MS4A14: variants seen among roughly 807,000 people sequenced by gnomAD.
The protein encoded by MS4A14 is membrane spanning 4-domains A14.
In MS4A14, 18 loss-of-function variants were observed where a neutral mutation model predicts 16.7. The observed-to-expected ratio is 1.08, with a 90% CI of 0.75 to 1.60. MS4A14 has a LOEUF of 1.60. Ranked by LOEUF, MS4A14 falls within the 40% of genes most tolerant of loss-of-function variation. MS4A14 has a pLI of 0.00. For synonymous variants in MS4A14, 305 were observed against 289.4 expected (o/e 1.05, Z -0.55); for missense variants, 812 against 775.3 (o/e 1.05, Z -0.56).
intron 3 of MS4A14, 52 bp downstream of exon 3, chr11:60,400,506 A>G: frequency 7.8e-7 from 1 of 1,274,730 alleles, no homozygotes; most frequent in East Asian, 2.4e-5. Context: ...GTTTTATATC[A>G]TCTTTATGTA....
At chr11:60,400,077 C>A (rs2085688192) in intron 2 of MS4A14, among the ~76,000 whole-genome samples, 1 of 152,180 alleles carries the variant, frequency 6.6e-6, no homozygotes, top group African/African-American at 2.4e-5. Flanking sequence ...ACAGGCACAG[C>A]TCCTCCTCTT....
rs917287896 is a variant in MS4A14 at position 60,417,140 on chromosome 11, C to G, written c.*132C>G. The G allele has an allele frequency of 1.8e-6, 2 of 1,088,216 alleles. No homozygotes were observed. The highest frequency in any genetic ancestry group is 5.2e-5 in the East Asian group (2 of 38,282). The allele number at this position is 1,088,216 out of a possible 1,614,324, so 67.4% of individuals were successfully genotyped here. A position where few individuals can be genotyped will look rare whatever the true frequency, so the allele number is the denominator to read the frequency against. On this transcript the variant is annotated 3_prime_UTR_variant, in exon 5 of 5. Coordinates refer to ENST00000300187, the MANE Select transcript of MS4A14 (RefSeq NM_032597.5). The stretch of plus-strand genomic sequence containing the variant: ...TCTATACCAAGAAGTCCAAACCCAG[C>G]ACGCAACAGCCCAACATAACCTAGA...
intron 1 of MS4A14, among the ~76,000 whole-genome samples, chr11:60,397,220 G>C (rs534837297): frequency 6.6e-6 from 1 of 152,264 alleles, no homozygotes; most frequent in African/African-American, 2.4e-5. Flanking sequence ...TGCCAGAGAA[G>C]TTGCGCCCTG....
At chr11:60,400,148 G>A (rs867961642) in intron 2 of MS4A14, among the ~76,000 whole-genome samples, 4 of 152,100 alleles carry the variant, frequency 2.6e-5, no homozygotes, top group Admixed American at 1.3e-4. Context: ...CAAACATCTG[G>A]TCCTCTGGAT....
intron 4 of MS4A14, chr11:60,405,776 C>T: frequency 2.7e-6 from 2 of 738,140 alleles, no homozygotes. Context: ...ACAGAACCAT[C>T]CAAAATATGG....
At chr11:60,402,171 AC>A (rs2085723924) in intron 3 of MS4A14, among the ~76,000 whole-genome samples, 1 of 139,490 alleles carries the variant, frequency 7.2e-6, no homozygotes, top group Non-Finnish European at 1.6e-5. Context: ...ACCCACCCAC[AC>A]CCCCCTCCAA....
At chr11:60,415,341 A>G in intron 4 of MS4A14, 96 bp from the exon 5 acceptor site, 2 of 1,320,722 alleles carry the variant, frequency 1.5e-6, no homozygotes, top group Non-Finnish European at 2.1e-6. Context: ...TTTCCTATCT[A>G]CTGTCTTAAG....
chr11:60,404,812 C>T, intron 4 of MS4A14: 1 of 271,964 alleles, frequency 3.7e-6, no homozygotes, highest in Non-Finnish European at 7.4e-6. Flanking sequence ...TCCTTCTTCA[C>T]AGCATTTATC....
intron 3 of MS4A14, among the ~76,000 whole-genome samples, chr11:60,401,765 C>A (rs1243860407): frequency 6.6e-6 from 1 of 152,132 alleles, no homozygotes; most frequent in African/African-American, 2.4e-5. Flanking sequence ...ATAAAATGTC[C>A]TATGGGAGCC....
At position 60,417,698 on chromosome 11, in the gene MS4A14, T is replaced by C. The variant is rs1423388134; in HGVS notation, c.*690T>C. The C allele has an allele frequency of 2.0e-5, 3 of 151,604 alleles. No individual in the cohort carries two copies. The highest frequency in any genetic ancestry group is 2.9e-5 in the Non-Finnish European group (2 of 68,030). The allele number at this position is 151,604 out of a possible 1,614,324, so 9.4% of individuals were successfully genotyped here. The stretch of plus-strand genomic sequence containing the variant: ...ATGACAACAAACCAAATGTTAACAC[T>C]GTATCATCACTTTATGTATGTGAAG... On this transcript the variant is annotated 3_prime_UTR_variant, in exon 5 of 5. Transcript: ENST00000300187.
At chr11:60,410,590 G>A (rs532557322) in intron 4 of MS4A14, among the ~76,000 whole-genome samples, 16 of 152,166 alleles carry the variant, frequency 1.1e-4, no homozygotes, top group South Asian at 8.3e-4. Flanking sequence ...GCTTAGTGTC[G>A]GATTGATTTT....
chr11:60,397,737 G>A (rs1338647107), intron 1 of MS4A14, 115 bp from the exon 2 acceptor site: 6 of 906,150 alleles, frequency 6.6e-6, no homozygotes, highest in African/African-American at 1.7e-5. Context: ...AATGAGAGAG[G>A]AAGGCATTTG....
At chr11:60,405,148 C>A (rs534596783) in intron 4 of MS4A14, among the ~76,000 whole-genome samples, 3 of 151,768 alleles carry the variant, frequency 2.0e-5, no homozygotes, top group African/African-American at 7.3e-5. Flanking sequence ...GGCACAATCT[C>A]GGCTCACCAC....
At chr11:60,410,229 T>G (rs2085848414) in intron 4 of MS4A14, among the ~76,000 whole-genome samples, 1 of 152,230 alleles carries the variant, frequency 6.6e-6, no homozygotes, top group Admixed American at 6.5e-5. Flanking sequence ...CCTAATGATT[T>G]GATGTTGAGC....
chr11:60,415,625 C>G lies in MS4A14; in HGVS notation c.657C>G (p.Ser219=). The change falls in exon 5 of 5, where the codon TCC becomes TCG. Residue 219 remains serine, a synonymous_variant. Transcript: ENST00000300187. ...CACTCTCTAGGAGTCCTTTAGTCTCCCAACCAGGTAATAAAGGTAGAGAAT... is the reference window on the plus strand; with the variant it reads ...CACTCTCTAGGAGTCCTTTAGTCTCGCAACCAGGTAATAAAGGTAGAGAAT... ...KLTLSRSPLV[S]QPGNKGREFV... is the part of the protein sequence containing the mutation. 3 of 1,613,784 alleles carry G rather than the reference C, an allele frequency of 1.9e-6. No homozygotes were observed. The highest frequency in any genetic ancestry group is 2.5e-6 in the Non-Finnish European group (3 of 1,179,832).
At chr11:60,408,317 T>C (rs1034039458) in intron 4 of MS4A14, among the ~76,000 whole-genome samples, 4 of 152,206 alleles carry the variant, frequency 2.6e-5, no homozygotes, top group African/African-American at 9.6e-5. Context: ...TGGTGAAATA[T>C]ATATAACATA....
Position 60,415,691 on chromosome 11 carries a change from C to T in MS4A14, c.723C>T (p.Pro241=), listed in dbSNP as rs1402143197. The T allele has an allele frequency of 6.2e-7, 1 of 1,613,850 alleles. No individual in the cohort carries two copies. ...AAAAGCAAAGTATCCTTCCATCTCC[C>T]AAATTTTCAGAGGAAGAAATTGAAC... ...DEQKQSILPS[P]KFSEEEIEPL... Residue 241 remains proline (P), a synonymous_variant, in exon 5 of 5, where the codon CCC becomes CCT. Coordinates refer to ENST00000300187, the MANE Select transcript of MS4A14 (RefSeq NM_032597.5).
At position 60,397,894 on chromosome 11, in the gene MS4A14, A is replaced by G. The variant is rs771377642; in HGVS notation, c.181A>G (p.Thr61Ala). ...TGCTCTAATCATTGTGGGCTTTGGA[A>G]CTATATTTGCACTTAATTACATCGG... ...LLALIIVGFG[T>A]IFALNYIGFS... Residue 61 changes from threonine to alanine, a missense_variant, in exon 2 of 5, where the codon ACT (threonine) becomes GCT (alanine). Transcript: ENST00000300187. 1 of 1,613,246 alleles carries G rather than the reference A, an allele frequency of 6.2e-7. No homozygotes were observed. The highest frequency in any genetic ancestry group is 8.5e-7 in the Non-Finnish European group (1 of 1,179,422).
chr11:60,406,071 T>G, intron 4 of MS4A14: 1 of 872,946 alleles, frequency 1.1e-6, no homozygotes, highest in Non-Finnish European at 1.6e-6. Context: ...GTCTGATTTA[T>G]TAGTAGGAAA....
Sources: gnomAD v4.1 joint callset for allele counts (sites outside exome capture counted in the v4.1 genomes callset) on GRCh38, gnomAD v4.1.1 for gene constraint, MANE v1.5 for transcripts, NCBI Gene and HGNC (gene_info 2026-07-23, HGNC 2026-07-21) for gene names.